The following GMDS variants were observed in gnomAD, a reference collection of about 807,000 sequenced individuals.
The protein encoded by GMDS is GDP-mannose 4,6-dehydratase.
A neutral mutation model predicts 49.9 loss-of-function variants in GMDS; 20 were observed. The observed-to-expected ratio is 0.40, with a 90% CI of 0.28 to 0.58. The LOEUF (loss-of-function observed/expected upper bound fraction) is 0.58. GMDS is among the 20% of genes least tolerant of loss of function. The pLI is 0.42. For synonymous variants in GMDS, 177 were observed against 178.6 expected, an observed-to-expected ratio of 0.99 and a Z score of 0.07; for missense variants, 362 against 481.4, an observed-to-expected ratio of 0.75 and a Z score of 2.32.
intron 4 of GMDS, among the ~76,000 whole-genome samples, chr6:1,981,516 T>G (rs939757063): frequency 6.6e-6 from 1 of 151,984 alleles, no homozygotes; most frequent in African/African-American, 2.4e-5. Context: ...AGACCAATAA[T>G]GAGTCTGAAA....
chr6:2,231,549 G>A (rs1561676440), intron 1 of GMDS, among the ~76,000 whole-genome samples: 1 of 152,086 alleles, frequency 6.6e-6, no homozygotes, highest in Non-Finnish European at 1.5e-5. Context: ...GGGCAATAGA[G>A]CCAGACCTTG....
chr6:2,059,496 C>G (rs1415160221), intron 4 of GMDS, among the ~76,000 whole-genome samples: 1 of 150,122 alleles, frequency 6.7e-6, no homozygotes, highest in Non-Finnish European at 1.5e-5. Context: ...ATCACGAGGT[C>G]AGGAGATCGA....
chr6:2,070,514 A>G (rs188579440), intron 4 of GMDS, among the ~76,000 whole-genome samples: 1 of 152,318 alleles, frequency 6.6e-6, no homozygotes, highest in African/African-American at 2.4e-5. Context: ...AATCTGATGG[A>G]TGAGGTCACA....
intron 9 of GMDS, among the ~76,000 whole-genome samples, chr6:1,680,766 C>T (rs1298463793): frequency 1.3e-5 from 2 of 152,150 alleles, no homozygotes; most frequent in Non-Finnish European, 2.9e-5. Flanking sequence ...TTGAACAAAC[C>T]ACAAAAAGAT....
At chr6:2,016,381 T>C (rs532223448) in intron 4 of GMDS, among the ~76,000 whole-genome samples, 5 of 151,934 alleles carry the variant, frequency 3.3e-5, no homozygotes, top group African/African-American at 1.2e-4. Flanking sequence ...AATAAAAAAG[T>C]GGTCAATTAA....
chr6:1,720,310 A>C (rs1316481030), intron 9 of GMDS, among the ~76,000 whole-genome samples: 2 of 152,158 alleles, frequency 1.3e-5, no homozygotes, highest in Non-Finnish European at 2.9e-5. Context: ...CGATCCTATG[A>C]AGTATGGAAA....
At chr6:1,713,279 C>A (rs1269290655) in intron 9 of GMDS, among the ~76,000 whole-genome samples, 1 of 152,236 alleles carries the variant, frequency 6.6e-6, no homozygotes, top group African/African-American at 2.4e-5. Context: ...AGTGTCCTCG[C>A]CTCCACTGGA....
intron 7 of GMDS, among the ~76,000 whole-genome samples, chr6:1,912,149 T>C (rs1761098048): frequency 6.6e-6 from 1 of 152,080 alleles, no homozygotes. Flanking sequence ...GTGGATCACC[T>C]GAGGTCAGGA....
chr6:2,042,451 C>T (rs1397935988), intron 4 of GMDS, among the ~76,000 whole-genome samples: 1 of 152,170 alleles, frequency 6.6e-6, no homozygotes, highest in Non-Finnish European at 1.5e-5. Context: ...ACCCTGGGCA[C>T]CCTCCGTAGT....
intron 1 of GMDS, among the ~76,000 whole-genome samples, chr6:2,190,335 CT>C (rs762743083): frequency 9.9e-5 from 15 of 152,256 alleles, no homozygotes; most frequent in Admixed American, 2.6e-4. Flanking sequence ...AAAAGGAAAC[CT>C]TTTATGCACT....
chr6:1,894,283 TC>T (rs1760037107), intron 7 of GMDS, among the ~76,000 whole-genome samples: 1 of 152,182 alleles, frequency 6.6e-6, no homozygotes, highest in East Asian at 1.9e-4. Flanking sequence ...TATGGGGAAT[TC>T]CAATGGAAGA....
At chr6:1,747,875 G>A (rs1767573034) in intron 7 of GMDS, among the ~76,000 whole-genome samples, 1 of 152,092 alleles carries the variant, frequency 6.6e-6, no homozygotes, top group African/African-American at 2.4e-5. Flanking sequence ...GGGCAAAAAC[G>A]CTGTGTCACA....
intron 7 of GMDS, among the ~76,000 whole-genome samples, chr6:1,755,500 T>C (rs1216700707): frequency 6.6e-6 from 1 of 152,094 alleles, no homozygotes; most frequent in Non-Finnish European, 1.5e-5. Context: ...CCACTGACTT[T>C]CTTCATAGAA....
intron 7 of GMDS, among the ~76,000 whole-genome samples, chr6:1,782,714 A>G (rs1023947239): frequency 3.3e-5 from 5 of 152,260 alleles, no homozygotes; most frequent in African/African-American, 1.2e-4. Flanking sequence ...TGAAATGAGA[A>G]CATAGATCAA....
intron 4 of GMDS, among the ~76,000 whole-genome samples, chr6:2,095,417 C>A (rs1773539585): frequency 6.6e-6 from 1 of 152,186 alleles, no homozygotes; most frequent in Non-Finnish European, 1.5e-5. Flanking sequence ...GTAATCAATT[C>A]ATTTTGCTAT....
intron 7 of GMDS, among the ~76,000 whole-genome samples, chr6:1,802,737 C>T (rs896261150): frequency 6.6e-6 from 1 of 152,214 alleles, no homozygotes. Flanking sequence ...TTACTGTTAC[C>T]TTTTTCCCCC....
chr6:1,770,488 G>A (rs1055319719), intron 7 of GMDS, among the ~76,000 whole-genome samples: 4 of 152,238 alleles, frequency 2.6e-5, no homozygotes, highest in African/African-American at 9.6e-5. Context: ...CACCATCAAC[G>A]CGGCTGCTGC....
At chr6:2,122,205 C>T (rs1331458561) in intron 2 of GMDS, among the ~76,000 whole-genome samples, 3 of 152,180 alleles carry the variant, frequency 2.0e-5, no homozygotes. Context: ...CACCTGATCT[C>T]ATCTAAACCT....
At chr6:1,642,183 A>C (rs545540876) in intron 9 of GMDS, among the ~76,000 whole-genome samples, 1 of 148,108 alleles carries the variant, frequency 6.8e-6, no homozygotes, top group Non-Finnish European at 1.5e-5. Context: ...TTTTTTAAGA[A>C]AAAAATAGAG....
Sources: allele counts gnomAD v4.1 joint callset (sites outside exome capture counted in the v4.1 genomes callset), GRCh38; gene constraint gnomAD v4.1.1; transcripts MANE v1.5; gene names NCBI Gene and HGNC (gene_info 2026-07-23, HGNC 2026-07-21).